PRP4K: variants seen among roughly 807,000 people sequenced by gnomAD.
PRP4K encodes pre-mRNA processing factor kinase PRP4K.
At chr6:4,037,267 A>C in the PRP4K span, 1 of 878,012 alleles carries the variant, frequency 1.1e-6, no homozygotes. Flanking sequence ...AAGTTTTGTT[A>C]CAAAACACAT....
chr6:4,042,403 C>T, the PRP4K span: 3 of 1,023,166 alleles, frequency 2.9e-6, no homozygotes, highest in East Asian at 5.1e-5. Context: ...CTTACTGATA[C>T]CTACATTTTC....
chr6:4,046,574 C>T, the PRP4K span, among the ~76,000 whole-genome samples: 2 of 151,662 alleles, frequency 1.3e-5, no homozygotes, highest in African/African-American at 2.4e-5. Flanking sequence ...TAAAGATGAG[C>T]TTTTATTTTA....
chr6:4,032,868 G>A, the PRP4K span: 1 of 1,199,394 alleles, frequency 8.3e-7, no homozygotes, highest in Non-Finnish European at 1.1e-6. Flanking sequence ...AAAAATAAAT[G>A]AAGTAGTAAT....
chr6:4,062,352 A>C, the PRP4K span: 1 of 152,718 alleles, frequency 6.5e-6, no homozygotes, highest in Non-Finnish European at 1.5e-5. This position sits in a 1 kb window ranked among gnomAD's most constrained non-coding sequence, Gnocchi z 4.2. Flanking sequence ...TTAAGACAAA[A>C]TCGTTTAAAT....
At chr6:4,054,783 C>T in the PRP4K span, among the ~76,000 whole-genome samples, 2 of 152,166 alleles carry the variant, frequency 1.3e-5, no homozygotes, top group East Asian at 1.9e-4. Flanking sequence ...GGATTATAAG[C>T]GTGAGCCAAT....
the PRP4K span, among the ~76,000 whole-genome samples, chr6:4,033,917 T>C: frequency 6.6e-6 from 1 of 152,186 alleles, no homozygotes; most frequent in African/African-American, 2.4e-5. Context: ...ATTATCTTGG[T>C]GGTCTTTCAG....
the PRP4K span, among the ~76,000 whole-genome samples, chr6:4,047,541 T>G: frequency 6.6e-6 from 1 of 152,218 alleles, no homozygotes; most frequent in African/African-American, 2.4e-5. Flanking sequence ...ATACATGTGG[T>G]AGTTAGGTGC....
At chr6:4,052,896 G>C in the PRP4K span, 3 of 1,582,026 alleles carry the variant, frequency 1.9e-6, no homozygotes, top group Non-Finnish European at 2.6e-6. Context: ...GCCAAGCTGC[G>C]CTGTACATCT....
chr6:4,025,954 A>G, the PRP4K span, among the ~76,000 whole-genome samples: 1 of 152,318 alleles, frequency 6.6e-6, no homozygotes, highest in Admixed American at 6.5e-5. Context: ...TTCAAGTTCT[A>G]AGAGTCTATA....
the PRP4K span, chr6:4,056,771 A>G: frequency 7.1e-7 from 1 of 1,407,574 alleles, no homozygotes; most frequent in Non-Finnish European, 9.5e-7. Context: ...ACCTCCACCA[A>G]AGGCGAAATG....
At chr6:4,058,377 C>G in the PRP4K span, among the ~76,000 whole-genome samples, 16 of 152,232 alleles carry the variant, frequency 1.1e-4, no homozygotes, top group African/African-American at 3.9e-4. Context: ...ATTAGGTTCC[C>G]TAACTGCCAA....
the PRP4K span, among the ~76,000 whole-genome samples, chr6:4,045,895 TTAA>T: frequency 6.6e-6 from 1 of 152,246 alleles, no homozygotes; most frequent in African/African-American, 2.4e-5. Flanking sequence ...TCTTTTTTTC[TTAA>T]TAATACATTC....
the PRP4K span, among the ~76,000 whole-genome samples, chr6:4,033,636 A>G: frequency 6.6e-6 from 1 of 152,198 alleles, no homozygotes; most frequent in East Asian, 1.9e-4. Flanking sequence ...GTATTGGCTT[A>G]TACTATATAA....
chr6:4,058,708 GTTTTT>G, the PRP4K span: 1 of 1,597,190 alleles, frequency 6.3e-7, no homozygotes, highest in Non-Finnish European at 8.6e-7. Context: ...CAAAACCCAA[GTTTTT>G]GTTTTGTTTT....
chr6:4,049,124 A>G, the PRP4K span: 1 of 1,584,058 alleles, frequency 6.3e-7, no homozygotes, highest in Non-Finnish European at 8.6e-7. Flanking sequence ...CACATTTTAT[A>G]TTAACTTTAG....
the PRP4K span, among the ~76,000 whole-genome samples, chr6:4,046,310 A>G: frequency 1.3e-5 from 2 of 152,122 alleles, no homozygotes; most frequent in Non-Finnish European, 2.9e-5. Context: ...GTACTTTTGG[A>G]TGTTTAGCTA....
At chr6:4,057,928 TA>T in the PRP4K span, among the ~76,000 whole-genome samples, 1 of 152,156 alleles carries the variant, frequency 6.6e-6, no homozygotes, top group East Asian at 1.9e-4. Flanking sequence ...CTTAGCTTTT[TA>T]AGATTTCAGC....
At chr6:4,049,777 G>T in the PRP4K span, 1 of 1,613,450 alleles carries the variant, frequency 6.2e-7, no homozygotes, top group Non-Finnish European at 8.5e-7. Context: ...AATGTGTATG[G>T]CTACACTGGG....
the PRP4K span, among the ~76,000 whole-genome samples, chr6:4,023,933 C>A: frequency 6.7e-6 from 1 of 149,978 alleles, no homozygotes; most frequent in African/African-American, 2.5e-5. Flanking sequence ...GTGGTGCGAT[C>A]TTGGCTCACT....
Sources: allele counts gnomAD v4.1 joint callset (sites outside exome capture counted in the v4.1 genomes callset), GRCh38; gene constraint gnomAD v4.1.1; non-coding constraint Gnocchi (gnomAD v3.1); transcripts MANE v1.5; gene names NCBI Gene and HGNC (gene_info 2026-07-23, HGNC 2026-07-21).